PRXL2A: variants seen among roughly 807,000 people sequenced by gnomAD.
The protein encoded by PRXL2A is peroxiredoxin like 2A.
A neutral mutation model predicts 25.6 loss-of-function variants in PRXL2A; 26 were observed. That is an observed-to-expected ratio of 1.02 (90% CI 0.74 to 1.41). PRXL2A has a LOEUF of 1.41. PRXL2A is among the 40% of genes most tolerant of loss of function. PRXL2A has a pLI of 0.00. For synonymous variants in PRXL2A, 98 were observed against 102.9 expected, an observed-to-expected ratio of 0.95 and a Z score of 0.29; for missense variants, 246 against 273.9, an observed-to-expected ratio of 0.90 and a Z score of 0.72.
intron 1 of PRXL2A, among the ~76,000 whole-genome samples, chr10:80,419,071 C>T (rs570630387): frequency 1.3e-5 from 2 of 152,218 alleles, no homozygotes; most frequent in South Asian, 2.1e-4. Flanking sequence ...CTGCAACCTC[C>T]GCCTCCCGGG....
At chr10:80,426,158 A>C in intron 4 of PRXL2A, 152 bp downstream of exon 4, 3 of 871,866 alleles carry the variant, frequency 3.4e-6, no homozygotes, top group Non-Finnish European at 5.5e-6. Context: ...CAGCCCCCTG[A>C]GCAGAGCATG....
chr10:80,413,833 A>G, intron 1 of PRXL2A: 2 of 1,190,190 alleles, frequency 1.7e-6, no homozygotes, highest in Non-Finnish European at 2.1e-6. Context: ...ACCCCTGGAT[A>G]TACTTCTTTG....
chr10:80,426,476 C>A (rs540026109), intron 4 of PRXL2A, among the ~76,000 whole-genome samples: 2 of 152,158 alleles, frequency 1.3e-5, no homozygotes, highest in African/African-American at 4.8e-5. Context: ...GTATTAAATG[C>A]ATTTCAATAT....
intron 1 of PRXL2A, among the ~76,000 whole-genome samples, chr10:80,408,881 C>G (rs1412750203): frequency 6.6e-6 from 1 of 152,236 alleles, no homozygotes; most frequent in Non-Finnish European, 1.5e-5. Context: ...ACCCTGCGCC[C>G]AGACGTCGGA....
intron 2 of PRXL2A, 22 bp downstream of exon 2, chr10:80,420,667 C>A (rs184389689): frequency 6.5e-7 from 1 of 1,527,604 alleles, no homozygotes; most frequent in South Asian, 1.3e-5. Flanking sequence ...CCCTTCAGGT[C>A]TCAGTACTTT....
rs1424585506 is a variant in PRXL2A, at chr10:80,435,088, C to T, written c.*2989C>T. The T allele has an allele frequency of 6.6e-6, 1 of 152,234 alleles. No homozygotes were observed. Among genetic ancestry groups the T allele is most frequent in the Non-Finnish European group, 1.5e-5 (1 of 68,128 alleles). 9.4% of individuals were successfully genotyped at this position (152,234 alleles called of 1,614,324 possible). Reference sequence around the variant, plus strand: ...AGTTAGCCTGTTGTGGTGGCGCGCACCTGTAATCCCAGCTACTCGGGTGGC... The same window carrying T: ...AGTTAGCCTGTTGTGGTGGCGCGCATCTGTAATCCCAGCTACTCGGGTGGC... On this transcript the variant is annotated 3_prime_UTR_variant, in exon 6 of 6. Coordinates refer to ENST00000606162, the MANE Select transcript of PRXL2A (RefSeq NM_032333.5).
intron 1 of PRXL2A, chr10:80,409,020 C>T: frequency 1.0e-6 from 1 of 985,204 alleles, no homozygotes; most frequent in African/African-American, 1.7e-5. Flanking sequence ...AGGAGAGGGC[C>T]CTGCCCTGGA....
chr10:80,421,074 C>G (rs993083095), intron 2 of PRXL2A, among the ~76,000 whole-genome samples: 2 of 152,122 alleles, frequency 1.3e-5, no homozygotes, highest in Non-Finnish European at 2.9e-5. Context: ...CCTGAGTGAA[C>G]AAGTATGGGA....
rs1845416469 is a variant in PRXL2A, at chr10:80,436,904, C to CTAA, written c.*4805_*4806insTAA. ...AAGGAAGGAATCCTGCACAGAGAGGCCAAGAAGAATCTAGACAGCCTTGCT... is the reference window on the plus strand; with the variant it reads ...AAGGAAGGAATCCTGCACAGAGAGGCTAACAAGAAGAATCTAGACAGCCTTGCT... On this transcript the variant is annotated 3_prime_UTR_variant, in exon 6 of 6. Transcript: ENST00000606162. The CTAA allele has an allele frequency of 4.9e-5, 7 of 144,144 alleles. No individual in the cohort carries two copies. In the East Asian group the frequency reaches 1.8e-3, roughly 38 times the overall value. The allele number at this position is 144,144 out of a possible 1,614,324, so 8.9% of individuals were successfully genotyped here.
intron 5 of PRXL2A, 151 bp from the exon 6 acceptor site, chr10:80,431,835 T>C: frequency 1.5e-6 from 1 of 647,162 alleles, no homozygotes; most frequent in South Asian, 1.8e-5. Context: ...CCTCAAAGAC[T>C]GAACTCCTTG....
chr10:80,425,776 G>A lies in PRXL2A; in HGVS notation c.271-90G>A, dbSNP rs538222886. 2.9e-4 allele frequency: 440 copies of A among 1,522,296 alleles called. 4 individuals carry two copies. In the Middle Eastern group the frequency reaches 4.7e-3, roughly 16 times the overall value. 94.3% of individuals were successfully genotyped at this position (1,522,296 alleles called of 1,614,324 possible). A position where few individuals can be genotyped will look rare whatever the true frequency, so the allele number is the denominator to read the frequency against. On this transcript the variant is annotated intron_variant, in intron 3 of 5. Transcript: ENST00000606162. ...TCTGCTTTCCACTGGAGAAGACAAG[G>A]AGCCTGGGCTGCAGAGGGAACCTGA...
intron 5 of PRXL2A, among the ~76,000 whole-genome samples, chr10:80,430,970 A>G (rs538735714): frequency 1.1e-3 from 163 of 152,094 alleles, no homozygotes; most frequent in African/African-American, 3.8e-3. Flanking sequence ...GCTCACTGCA[A>G]CCTCCGCCTC....
chr10:80,422,850 AT>A (rs1210002685), intron 3 of PRXL2A, among the ~76,000 whole-genome samples: 1 of 152,040 alleles, frequency 6.6e-6, no homozygotes, highest in Non-Finnish European at 1.5e-5. Context: ...CAGATATATG[AT>A]GTGCCTGGAT....
intron 5 of PRXL2A, among the ~76,000 whole-genome samples, chr10:80,429,543 C>T (rs1845164448): frequency 6.9e-6 from 1 of 145,676 alleles, no homozygotes; most frequent in Non-Finnish European, 1.5e-5. Context: ...CTGCCCTGCC[C>T]CGCCCCGCCC....
At chr10:80,428,708 C>T (rs988432292) in intron 5 of PRXL2A, among the ~76,000 whole-genome samples, 1 of 152,090 alleles carries the variant, frequency 6.6e-6, no homozygotes, top group African/African-American at 2.4e-5. Flanking sequence ...GGGAGAAGGA[C>T]CTGGAAACTG....
At chr10:80,426,968 A>AC (rs201292458) in intron 4 of PRXL2A, among the ~76,000 whole-genome samples, 1,649 of 151,976 alleles carry the variant, frequency 0.011, 30 homozygotes, top group African/African-American at 0.038. Context: ...ACGTGGTGAA[A>AC]CCTGTCTCTA....
In PRXL2A at chr10:80,427,453, G is replaced by A. The variant is rs142605674; in HGVS notation, c.533G>A (p.Gly178Asp). The change falls in exon 5 of 6, where the codon GGC (glycine) becomes GAC (aspartate). Residue 178 changes from glycine to aspartate, a missense_variant. Gly to Asp is a moderately conservative substitution (Grantham distance 94). Coordinates refer to ENST00000606162, the MANE Select transcript of PRXL2A (RefSeq NM_032333.5). ...TTCTCTGGAAACCTGGAAGGAGAAG[G>A]CTTCATCCTTGGGGGAGTTTTCGTG... ...GGFSGNLEGEGFILGGVFVVG... is the reference protein window; with the variant it reads ...GGFSGNLEGEDFILGGVFVVG... 5 of 1,614,064 alleles carry A rather than the reference G, an allele frequency of 3.1e-6. No individual in the cohort carries two copies. Among genetic ancestry groups the A allele is most frequent in the Admixed American group, 3.3e-5 (2 of 60,002 alleles).
At chr10:80,420,237 G>T in intron 1 of PRXL2A, 1 of 1,218,880 alleles carries the variant, frequency 8.2e-7, no homozygotes, top group Non-Finnish European at 1.0e-6. Context: ...CACTCCTGAT[G>T]CCCTGGTGAG....
intron 5 of PRXL2A, among the ~76,000 whole-genome samples, chr10:80,431,179 T>A (rs1845245249): frequency 6.6e-6 from 1 of 152,216 alleles, no homozygotes; most frequent in Non-Finnish European, 1.5e-5. Flanking sequence ...AGTACAGGTG[T>A]GAGCCACAGC....
Sources: allele counts gnomAD v4.1 joint callset (sites outside exome capture counted in the v4.1 genomes callset), GRCh38; gene constraint gnomAD v4.1.1; transcripts MANE v1.5; gene names NCBI Gene and HGNC (gene_info 2026-07-23, HGNC 2026-07-21).